CEP85L: variants seen among roughly 807,000 people sequenced by gnomAD.
The protein encoded by CEP85L is centrosomal protein of 85 kDa-like.
In CEP85L, 60 loss-of-function variants were observed where a neutral mutation model predicts 100.3. That is an observed-to-expected ratio of 0.60 (90% CI 0.49 to 0.74). CEP85L has a LOEUF of 0.74. Ranked by LOEUF, CEP85L falls within the 30% of genes least tolerant of loss-of-function variation. The pLI, the probability that CEP85L is intolerant of heterozygous loss-of-function variation, is 0.00. For missense variants in CEP85L, 973 were observed against 936.2 expected (o/e 1.04, Z -0.51); for synonymous variants, 319 against 322.7 (o/e 0.99, Z 0.12).
chr6:118,603,004 T>C (rs995986271), intron 2 of CEP85L, among the ~76,000 whole-genome samples: 2 of 152,198 alleles, frequency 1.3e-5, no homozygotes, highest in African/African-American at 4.8e-5. Flanking sequence ...GTATTTTTAG[T>C]AGAGATAGGG....
At chr6:118,518,494 C>A (rs1776419276) in intron 4 of CEP85L, among the ~76,000 whole-genome samples, 2 of 152,160 alleles carry the variant, frequency 1.3e-5, no homozygotes, top group Non-Finnish European at 2.9e-5. Context: ...TCCATTTCTT[C>A]TAGATTTTCT....
At chr6:118,700,750 A>G (rs900116783) in intron 1 of CEP85L, among the ~76,000 whole-genome samples, 7 of 152,180 alleles carry the variant, frequency 4.6e-5, no homozygotes, top group African/African-American at 1.7e-4. Flanking sequence ...CTCAAGTGAG[A>G]GTACTGAGAA....
At chr6:118,509,280 A>G (rs1043117790) in intron 5 of CEP85L, among the ~76,000 whole-genome samples, 1 of 152,112 alleles carries the variant, frequency 6.6e-6, no homozygotes, top group South Asian at 2.1e-4. Context: ...TGATAATTAT[A>G]TAATTAAAGC....
Position 118,491,940 on chromosome 6 carries a change from G to C in CEP85L, c.1258-75C>G, listed in dbSNP as rs570384019. On this transcript the variant is annotated intron_variant, in intron 5 of 12. Transcript: ENST00000368491. ...CAAATGTGAAGAAATTGGAAATGAA[G>C]TATAATATAAGGAGTACATATAGGC... The C allele has an allele frequency of 7.0e-6, 8 of 1,150,274 alleles. No homozygotes were observed. The African/African-American group carries it at 9.4e-5, about 13-fold the overall frequency. The allele number at this position is 1,150,274 out of a possible 1,614,324, so 71.3% of individuals were successfully genotyped here. A position where few individuals can be genotyped will look rare whatever the true frequency, so the allele number is the denominator to read the frequency against.
chr6:118,503,119 A>C (rs926184128), intron 5 of CEP85L, among the ~76,000 whole-genome samples: 1 of 152,246 alleles, frequency 6.6e-6, no homozygotes, highest in Non-Finnish European at 1.5e-5. Flanking sequence ...GTTAACACAC[A>C]AAAGTCAATC....
intron 2 of CEP85L, among the ~76,000 whole-genome samples, chr6:118,604,111 C>CTT: frequency 6.6e-6 from 1 of 152,314 alleles, no homozygotes; most frequent in Non-Finnish European, 1.5e-5. Context: ...TCCTGTATGA[C>CTT]TTTTACACCA....
chr6:118,543,753 G>A (rs890251567), intron 3 of CEP85L, among the ~76,000 whole-genome samples: 1 of 152,164 alleles, frequency 6.6e-6, no homozygotes, highest in Middle Eastern at 3.2e-3. Flanking sequence ...GATCAGGAAC[G>A]ATGTTTTATG....
chr6:118,500,916 G>A (rs1245898573), intron 5 of CEP85L, among the ~76,000 whole-genome samples: 1 of 152,090 alleles, frequency 6.6e-6, no homozygotes, highest in Non-Finnish European at 1.5e-5. Context: ...ATCTCATAGG[G>A]GCATGACACT....
upstream of CEP85L, among the ~76,000 whole-genome samples, chr6:118,654,004 T>C (rs1775686253): frequency 6.6e-6 from 1 of 152,234 alleles, no homozygotes; most frequent in African/African-American, 2.4e-5. Context: ...TATAAATCTT[T>C]GAACTGATTA....
chr6:118,471,310 A>G (rs989022443), intron 10 of CEP85L, among the ~76,000 whole-genome samples: 18 of 152,082 alleles, frequency 1.2e-4, no homozygotes, highest in African/African-American at 4.3e-4. Flanking sequence ...CAATATATTA[A>G]AAGAAAAAAT....
chr6:118,651,491 G>A lies in CEP85L; in HGVS notation c.-222C>T, dbSNP rs1248697329. The stretch of plus-strand genomic sequence containing the variant: ...CCATGGCCAAGCCGGCTGGGCTGAG[G>A]CCCGCGCCGGGGAAGCGGCGACTCG... On this transcript the variant is annotated 5_prime_UTR_variant, in exon 1 of 13. Coordinates refer to ENST00000368491, the MANE Select transcript of CEP85L (RefSeq NM_001042475.3). 14 of 1,278,930 alleles carry A rather than the reference G, an allele frequency of 1.1e-5. No homozygotes were observed. Among genetic ancestry groups the A allele is most frequent in the Non-Finnish European group, 1.3e-5 (13 of 1,014,100 alleles). The allele number at this position is 1,278,930 out of a possible 1,614,324, so 79.2% of individuals were successfully genotyped here.
chr6:118,681,022 G>A (rs566819233), intron 1 of CEP85L, among the ~76,000 whole-genome samples: 3 of 152,322 alleles, frequency 2.0e-5, no homozygotes, highest in Non-Finnish European at 4.4e-5. Context: ...ACTATTGTGC[G>A]TGTGACATTT....
chr6:118,651,602 C>T, upstream of CEP85L: 1 of 1,066,144 alleles, frequency 9.4e-7, no homozygotes, highest in Middle Eastern at 4.3e-4. Context: ...CCGCCCCCTC[C>T]GCCGGCAGAG....
chr6:118,694,815 G>T (rs932427543), intron 1 of CEP85L, among the ~76,000 whole-genome samples: 5 of 152,170 alleles, frequency 3.3e-5, no homozygotes, highest in African/African-American at 1.2e-4. Flanking sequence ...ATTGGCAGTT[G>T]CCATATAGCA....
At chr6:118,496,022 T>A (rs1019890264) in intron 5 of CEP85L, among the ~76,000 whole-genome samples, 1 of 152,196 alleles carries the variant, frequency 6.6e-6, no homozygotes, top group African/African-American at 2.4e-5. Context: ...TGATTACATA[T>A]CAGAAAAATG....
chr6:118,495,594 C>A lies in CEP85L; in HGVS notation c.1258-3729G>T, dbSNP rs549566718. On this transcript the variant is annotated intron_variant, in intron 5 of 12. Transcript: ENST00000368491. ...CACGCGGAACTGTAAGTCAATTAAA[C>A]CTCTTTCCTTTATAAATTATCCAGT... is the stretch of plus-strand genomic sequence containing the variant. 2.3e-3 allele frequency among the ~76,000 whole-genome samples: 344 copies of A among 152,272 alleles called. 1 individual carries two copies. The highest frequency in any genetic ancestry group is 6.8e-3 in the Middle Eastern group (2 of 294).
At chr6:118,528,764 T>C (rs1300082136) in intron 3 of CEP85L, among the ~76,000 whole-genome samples, 1 of 152,208 alleles carries the variant, frequency 6.6e-6, no homozygotes, top group Non-Finnish European at 1.5e-5. Flanking sequence ...GAAGCCAGCA[T>C]CTATACTACA....
rs1437593099 is a variant in CEP85L at position 118,496,857 on chromosome 6, C to T, written c.1258-4992G>A. Among the ~76,000 whole-genome samples the T allele has an allele frequency of 5.3e-5, 8 of 152,294 alleles. No individual in the cohort carries two copies. The South Asian group carries it at 6.2e-4, about 12-fold the overall frequency. On this transcript the variant is annotated intron_variant, in intron 5 of 12. Transcript: ENST00000368491. ...TTGTCACTTCAAGGGAGAATGACAA[C>T]GGTGTTCAAGTCAACAGATAAAAGT...
intron 2 of CEP85L, among the ~76,000 whole-genome samples, chr6:118,614,904 ATAGAT>A (rs1455824716): frequency 1.3e-5 from 2 of 151,328 alleles, no homozygotes; most frequent in African/African-American, 2.5e-5. Context: ...AGATAGATAG[ATAGAT>A]TTTTTTAAAA....
Sources: gnomAD v4.1 joint callset for allele counts (sites outside exome capture counted in the v4.1 genomes callset) on GRCh38, gnomAD v4.1.1 for gene constraint, MANE v1.5 for transcripts, NCBI Gene and HGNC (gene_info 2026-07-23, HGNC 2026-07-21) for gene names.